Variants in SUSD5 observed in about 807,000 individuals in gnomAD.
The protein encoded by SUSD5 is sushi domain-containing protein 5.
Under a neutral mutation model 29.5 loss-of-function variants are expected in SUSD5, and 33 were observed. That is an observed-to-expected ratio of 1.12 (90% CI 0.85 to 1.49). The LOEUF (loss-of-function observed/expected upper bound fraction) is 1.49. Among genes scored for constraint, SUSD5 ranks in the 40% most tolerant of loss-of-function variants. The pLI, the probability that SUSD5 is intolerant of heterozygous loss-of-function variation, is 0.00. For missense variants in SUSD5, 776 were observed against 800.6 expected, an observed-to-expected ratio of 0.97 and a Z score of 0.37; for synonymous variants, 308 against 325.3, an observed-to-expected ratio of 0.95 and a Z score of 0.57.
chr3:33,193,799 T>C (rs1242675186), intron 3 of SUSD5, among the ~76,000 whole-genome samples: 1 of 152,198 alleles, frequency 6.6e-6, no homozygotes, highest in African/African-American at 2.4e-5. Flanking sequence ...CGTTCATTCC[T>C]GGGTATGGGC....
chr3:33,200,823 G>A (rs1184412900), intron 3 of SUSD5, among the ~76,000 whole-genome samples: 9 of 152,172 alleles, frequency 5.9e-5, no homozygotes, highest in Admixed American at 5.9e-4. Flanking sequence ...GCTGAATTGT[G>A]TTTGTGTCCT....
intron 4 of SUSD5, among the ~76,000 whole-genome samples, chr3:33,164,807 A>G (rs1361197812): frequency 2.6e-5 from 4 of 152,230 alleles, no homozygotes; most frequent in Non-Finnish European, 4.4e-5. Flanking sequence ...ATTAAGTGAC[A>G]TCACAACATA....
At chr3:33,200,754 A>G (rs890180305) in intron 3 of SUSD5, among the ~76,000 whole-genome samples, 2 of 152,232 alleles carry the variant, frequency 1.3e-5, no homozygotes, top group African/African-American at 4.8e-5. Context: ...GGAAATGAAG[A>G]ACATGTTGGT....
intron 3 of SUSD5, among the ~76,000 whole-genome samples, chr3:33,189,879 T>C (rs1312643188): frequency 1.3e-5 from 2 of 152,212 alleles, no homozygotes; most frequent in Non-Finnish European, 2.9e-5. Flanking sequence ...TTAAATATAT[T>C]CCCATAACCA....
intron 4 of SUSD5, among the ~76,000 whole-genome samples, chr3:33,161,426 T>C: frequency 6.6e-6 from 1 of 152,092 alleles, no homozygotes; most frequent in Non-Finnish European, 1.5e-5. Flanking sequence ...AAAAAATGCT[T>C]AATTGCTTCG....
chr3:33,153,770 G>A lies in SUSD5; in HGVS notation c.862C>T (p.Leu288=), dbSNP rs771822231. The A allele has an allele frequency of 1.9e-5, 31 of 1,613,932 alleles. 1 individual carries two copies. In the South Asian group the frequency reaches 2.3e-4, roughly 12 times the overall value. ...AACCAGAACAAGTGCTTCTGGAGCA[G>A]CCGTGATCCTGGTGAATCTGCGGGG... ...SVPADSPGSR[L]LQKHLFWFPA... Residue 288 remains leucine (L), a synonymous_variant, in exon 5 of 5, where the codon CTG becomes TTG. Transcript: ENST00000309558.
intron 2 of SUSD5, among the ~76,000 whole-genome samples, chr3:33,209,241 C>T (rs1462748303): frequency 6.6e-6 from 1 of 152,140 alleles, no homozygotes. Context: ...TCTTACCAGT[C>T]TTACCATGAT....
chr3:33,169,344 CTGAGTAGCT>C (rs951439419), intron 4 of SUSD5, among the ~76,000 whole-genome samples: 84 of 152,120 alleles, frequency 5.5e-4, no homozygotes, highest in African/African-American at 2.0e-3. Context: ...CCTCAGCCTC[CTGAGTAGCT>C]GGGATTACAG....
At chr3:33,179,999 G>A (rs2125622611) in intron 3 of SUSD5, among the ~76,000 whole-genome samples, 1 of 152,270 alleles carries the variant, frequency 6.6e-6, no homozygotes, top group East Asian at 1.9e-4. Flanking sequence ...ACTGCCAACT[G>A]TATAAAAGTA....
chr3:33,188,721 G>A (rs1478982420), intron 3 of SUSD5, among the ~76,000 whole-genome samples: 2 of 152,192 alleles, frequency 1.3e-5, no homozygotes, highest in African/African-American at 4.8e-5. Context: ...CTCTGCTGGA[G>A]TAGGGAGGGG....
rs185715369 is a variant in SUSD5, at chr3:33,214,066, C to T, written c.152G>A (p.Gly51Asp). The change falls in exon 2 of 5, where the codon GGC becomes GAC. Residue 51 changes from glycine (G) to aspartate (D), a missense_variant. Gly to Asp is a moderately conservative substitution (Grantham distance 94). Transcript: ENST00000309558. ...FVLESQNGSQ[G>D]LQLEAARLSC... ...AAGCCGAGCAGCCTCCAGTTGTAGG[C>T]CCTGAGAGCCATTCTGAGACTCCAG... 3.1e-6 allele frequency: 5 copies of T among 1,612,556 alleles called. No individual in the cohort carries two copies. In the African/African-American group the frequency reaches 4.0e-5, roughly 13 times the overall value.
At position 33,152,929 on chromosome 3, in the gene SUSD5, G is replaced by C. The variant is rs1281223700; in HGVS notation, c.1703C>G (p.Pro568Arg). Residue 568 changes from proline (P) to arginine (R), a missense_variant, in exon 5 of 5, where the codon CCT becomes CGT. By Grantham distance (103) the Pro-to-Arg change is moderately radical (BLOSUM62 -2). Coordinates refer to ENST00000309558, the MANE Select transcript of SUSD5 (RefSeq NM_015551.2). ...TLESCVGDGC[P>R]GLSRGPVIAT... ...GATCACAGGGCCTCTGCTGAGGCCA[G>C]GACATCCGTCCCCCACACACGACTC... 8 of 1,614,018 alleles carry C rather than the reference G, an allele frequency of 5.0e-6. No individual in the cohort carries two copies. The highest frequency in any genetic ancestry group is 3.3e-5 in the Admixed American group (2 of 60,024).
chr3:33,198,971 T>A (rs1452696492), intron 3 of SUSD5, among the ~76,000 whole-genome samples: 1 of 152,134 alleles, frequency 6.6e-6, no homozygotes, highest in Admixed American at 6.5e-5. Context: ...AAGGCCCAGT[T>A]CTAAGCACAG....
chr3:33,170,977 T>C (rs1331412823), intron 4 of SUSD5, among the ~76,000 whole-genome samples: 2 of 152,252 alleles, frequency 1.3e-5, no homozygotes, highest in African/African-American at 4.8e-5. Context: ...TAGGTCCTAT[T>C]CTAAATGATA....
intron 3 of SUSD5, among the ~76,000 whole-genome samples, chr3:33,186,419 T>C (rs1353690807): frequency 6.8e-6 from 1 of 147,040 alleles, no homozygotes; most frequent in East Asian, 2.1e-4. Flanking sequence ...GGTAGCACTT[T>C]CCTTTCTTTC....
At chr3:33,206,231 G>A (rs1302201240) in intron 3 of SUSD5, among the ~76,000 whole-genome samples, 4 of 152,010 alleles carry the variant, frequency 2.6e-5, no homozygotes, top group East Asian at 1.9e-4. Flanking sequence ...AAAATTAGCC[G>A]GGCATGGTGG....
At chr3:33,206,558 A>G (rs2032223927) in intron 3 of SUSD5, among the ~76,000 whole-genome samples, 1 of 151,138 alleles carries the variant, frequency 6.6e-6, no homozygotes, top group Non-Finnish European at 1.5e-5. Flanking sequence ...ATGGCAGGAG[A>G]CTCTCCCAAC....
chr3:33,165,300 C>T (rs1262161512), intron 4 of SUSD5, among the ~76,000 whole-genome samples: 1 of 152,040 alleles, frequency 6.6e-6, no homozygotes, highest in African/African-American at 2.4e-5. Flanking sequence ...AAATAAAATT[C>T]AAGTGAGGTG....
intron 3 of SUSD5, among the ~76,000 whole-genome samples, chr3:33,178,048 A>T (rs192606116): frequency 6.6e-6 from 1 of 152,318 alleles, no homozygotes; most frequent in East Asian, 1.9e-4. Flanking sequence ...CTTGTTTCTG[A>T]TCTTAGTAAG....
Sources: gnomAD v4.1 joint callset for allele counts (sites outside exome capture counted in the v4.1 genomes callset) on GRCh38, gnomAD v4.1.1 for gene constraint, MANE v1.5 for transcripts, NCBI Gene and HGNC (gene_info 2026-07-23, HGNC 2026-07-21) for gene names.